LHFPL3: variants seen among roughly 807,000 people sequenced by gnomAD.
LHFPL3 encodes the protein LHFPL tetraspan subfamily member 3 protein.
A neutral mutation model predicts 19.3 loss-of-function variants in LHFPL3; 5 were observed. The observed-to-expected ratio is 0.26, with a 90% CI of 0.14 to 0.54. LHFPL3 has a LOEUF of 0.54. Ranked by LOEUF, LHFPL3 falls within the 20% of genes least tolerant of loss-of-function variation. The pLI, the probability that LHFPL3 is intolerant of heterozygous loss-of-function variation, is 0.94. For synonymous variants in LHFPL3, 133 were observed against 126.2 expected, an observed-to-expected ratio of 1.05 and a Z score of -0.36; for missense variants, 249 against 307.4, an observed-to-expected ratio of 0.81 and a Z score of 1.42.
intron 1 of LHFPL3, among the ~76,000 whole-genome samples, chr7:104,488,107 AG>A (rs1214568188): frequency 2.2e-4 from 34 of 152,194 alleles, no homozygotes; most frequent in African/African-American, 7.5e-4. Context: ...TCTTAACGTC[AG>A]AAAATGTATT....
chr7:104,447,620 T>C (rs1460291047), intron 1 of LHFPL3, among the ~76,000 whole-genome samples: 1 of 152,176 alleles, frequency 6.6e-6, no homozygotes, highest in Non-Finnish European at 1.5e-5. Flanking sequence ...ATCTCAGTAG[T>C]GTTTAGCACC....
At chr7:104,493,682 G>A (rs1420121602) in intron 1 of LHFPL3, among the ~76,000 whole-genome samples, 1 of 151,762 alleles carries the variant, frequency 6.6e-6, no homozygotes, top group African/African-American at 2.4e-5. Context: ...AGATATCATT[G>A]GTTTTACTTG....
At chr7:104,646,519 G>A (rs1330513292) in intron 1 of LHFPL3, among the ~76,000 whole-genome samples, 1 of 152,162 alleles carries the variant, frequency 6.6e-6, no homozygotes, top group African/African-American at 2.4e-5. Flanking sequence ...ATTTTTGGCT[G>A]CATTATCTGG....
At chr7:104,859,266 C>CA (rs565168699) in intron 2 of LHFPL3, among the ~76,000 whole-genome samples, 33,019 of 131,166 alleles carry the variant, frequency 0.25, 3,934 homozygotes, top group South Asian at 0.41. Context: ...GACACTGTCT[C>CA]AAAAAAAAAA....
At chr7:104,866,683 C>A (rs1791729080) in intron 2 of LHFPL3, among the ~76,000 whole-genome samples, 1 of 152,188 alleles carries the variant, frequency 6.6e-6, no homozygotes, top group Non-Finnish European at 1.5e-5. Context: ...AGAAAGTTAA[C>A]AAGGATATCC....
chr7:104,854,910 C>A (rs925117032), intron 2 of LHFPL3, among the ~76,000 whole-genome samples: 1 of 152,208 alleles, frequency 6.6e-6, no homozygotes, highest in Admixed American at 6.5e-5. Context: ...TATAATTTCT[C>A]ATAATTACTC....
At chr7:104,730,565 A>G (rs987804983) in intron 1 of LHFPL3, among the ~76,000 whole-genome samples, 1 of 151,282 alleles carries the variant, frequency 6.6e-6, no homozygotes, top group Non-Finnish European at 1.5e-5. Flanking sequence ...GTCTGTTCAT[A>G]TCCTTCGCCC....
At chr7:104,410,054 G>A (rs780740360) in intron 1 of LHFPL3, among the ~76,000 whole-genome samples, 12 of 152,102 alleles carry the variant, frequency 7.9e-5, no homozygotes, top group Non-Finnish European at 1.6e-4. Context: ...CACTTGAAAC[G>A]TGGTCCATAT....
At chr7:104,608,749 A>T (rs1163897281) in intron 1 of LHFPL3, among the ~76,000 whole-genome samples, 1 of 152,146 alleles carries the variant, frequency 6.6e-6, no homozygotes, top group African/African-American at 2.4e-5. Context: ...AGTGAGAATG[A>T]GGAGTGAATG....
At chr7:104,579,758 T>A (rs751073345) in intron 1 of LHFPL3, among the ~76,000 whole-genome samples, 3 of 152,194 alleles carry the variant, frequency 2.0e-5, no homozygotes, top group Non-Finnish European at 4.4e-5. Flanking sequence ...TATTACCCTG[T>A]CAATCAATAC....
chr7:104,566,096 C>G (rs188938622), intron 1 of LHFPL3, among the ~76,000 whole-genome samples: 54 of 152,148 alleles, frequency 3.5e-4, no homozygotes, highest in African/African-American at 1.2e-3. Flanking sequence ...ACCTGTAATC[C>G]CAGCATTTTG....
At chr7:104,812,214 G>T (rs1790482546) in intron 2 of LHFPL3, among the ~76,000 whole-genome samples, 1 of 152,194 alleles carries the variant, frequency 6.6e-6, no homozygotes, top group Non-Finnish European at 1.5e-5. Context: ...TCAGTAATTT[G>T]CTGGCGTGAC....
intron 2 of LHFPL3, chr7:104,786,689 G>GGGGTGT (rs1554344743): frequency 5.0e-4 from 65 of 129,984 alleles, no homozygotes; most frequent in African/African-American, 1.1e-3. Flanking sequence ...GTGTGTGTGG[G>GGGGTGT]GTGTGTGTGT....
chr7:104,496,049 A>T (rs569383294), intron 1 of LHFPL3, among the ~76,000 whole-genome samples: 6 of 152,204 alleles, frequency 3.9e-5, no homozygotes, highest in Admixed American at 1.3e-4. Flanking sequence ...TACATGTGTC[A>T]TGTTGGTGTG....
intron 1 of LHFPL3, among the ~76,000 whole-genome samples, chr7:104,584,003 G>A (rs917818190): frequency 1.3e-5 from 2 of 152,130 alleles, no homozygotes; most frequent in African/African-American, 4.8e-5. Context: ...AAAGACACAT[G>A]AACATGTATG....
At chr7:104,707,742 T>C (rs1383326897) in intron 1 of LHFPL3, among the ~76,000 whole-genome samples, 2 of 152,212 alleles carry the variant, frequency 1.3e-5, no homozygotes, top group Admixed American at 6.5e-5. Context: ...TGTATTTGAA[T>C]GACTGAAAAC....
chr7:104,381,946 A>G (rs1354139846), intron 1 of LHFPL3, among the ~76,000 whole-genome samples: 2 of 151,910 alleles, frequency 1.3e-5, no homozygotes, highest in Non-Finnish European at 2.9e-5. Context: ...GCAAACCCTC[A>G]TTCATCATTT....
chr7:104,351,086 A>G (rs1454914872), intron 1 of LHFPL3, among the ~76,000 whole-genome samples: 1 of 151,978 alleles, frequency 6.6e-6, no homozygotes, highest in East Asian at 1.9e-4. Context: ...ACAAGACACC[A>G]TTTAAGAAGA....
chr7:104,827,752 T>G (rs952490120), intron 2 of LHFPL3, among the ~76,000 whole-genome samples: 23 of 151,886 alleles, frequency 1.5e-4, no homozygotes, highest in Non-Finnish European at 3.1e-4. Flanking sequence ...AAAAAAATCC[T>G]TATTACATTC....
Sources: gnomAD v4.1 joint callset for allele counts (sites outside exome capture counted in the v4.1 genomes callset) on GRCh38, gnomAD v4.1.1 for gene constraint, MANE v1.5 for transcripts, NCBI Gene and HGNC (gene_info 2026-07-23, HGNC 2026-07-21) for gene names.